The following ZNF532 variants were observed in gnomAD, a reference collection of about 807,000 sequenced individuals.
ZNF532 encodes the protein zinc finger protein 532.
ZNF532 carries 22 observed loss-of-function variants against 89.3 expected under a neutral mutation model. The ratio of observed to expected loss-of-function variants is 0.25; its 90% confidence interval spans 0.18 to 0.35. The LOEUF (loss-of-function observed/expected upper bound fraction) is 0.35, where lower values mean the gene tolerates loss of function less well. ZNF532 is among the 10% of genes least tolerant of loss of function. ZNF532 has a pLI of 1.00. For missense variants in ZNF532, 1,132 were observed against 1,643.4 expected (o/e 0.69, Z 5.38); for synonymous variants, 606 against 649.6 (o/e 0.93, Z 1.02).
chr18:58,966,414 T>G (rs1267899080), intron 7 of ZNF532, among the ~76,000 whole-genome samples: 1 of 152,178 alleles, frequency 6.6e-6, no homozygotes, highest in Admixed American at 6.5e-5. Context: ...CTATTATGTG[T>G]TTTAGCAAAC....
chr18:58,875,759 G>C (rs1194564974), intron 2 of ZNF532, among the ~76,000 whole-genome samples: 4 of 152,102 alleles, frequency 2.6e-5, no homozygotes, highest in Admixed American at 2.6e-4. Context: ...ATCGACCCTA[G>C]ATTTGAACCA....
chr18:58,875,170 A>C (rs2057330808), intron 2 of ZNF532, among the ~76,000 whole-genome samples: 1 of 151,926 alleles, frequency 6.6e-6, no homozygotes, highest in Admixed American at 6.5e-5. Context: ...CTCTTTTTCA[A>C]AAAATTAAAA....
intron 7 of ZNF532, among the ~76,000 whole-genome samples, chr18:58,972,553 A>G (rs1295302661): frequency 6.6e-6 from 1 of 152,126 alleles, no homozygotes; most frequent in Non-Finnish European, 1.5e-5. Context: ...AATTCCCTCA[A>G]TATCTGGGCC....
chr18:58,972,290 T>C (rs2066548423), intron 7 of ZNF532, among the ~76,000 whole-genome samples: 1 of 152,190 alleles, frequency 6.6e-6, no homozygotes, highest in African/African-American at 2.4e-5. Context: ...ATATGTATAA[T>C]ATAGATCGGT....
chr18:58,916,713 G>A, intron 2 of ZNF532: 8 of 985,378 alleles, frequency 8.1e-6, no homozygotes, highest in Non-Finnish European at 9.6e-6. Flanking sequence ...AGTGTGTTTG[G>A]ATGTGTCCCC....
intron 7 of ZNF532, chr18:58,954,043 G>A (rs374731523): frequency 4.1e-6 from 4 of 984,214 alleles, no homozygotes; most frequent in Non-Finnish European, 4.8e-6. Flanking sequence ...CATGAATGTG[G>A]TAAGTTACCT....
chr18:58,943,752 T>C (rs916257846), intron 5 of ZNF532, among the ~76,000 whole-genome samples: 4 of 152,222 alleles, frequency 2.6e-5, no homozygotes, highest in African/African-American at 9.6e-5. Flanking sequence ...TGAGCCACCA[T>C]GCCTGGCCTA....
chr18:58,962,497 A>G (rs1393811708), intron 7 of ZNF532, among the ~76,000 whole-genome samples: 2 of 152,060 alleles, frequency 1.3e-5, no homozygotes, highest in African/African-American at 4.8e-5. Context: ...AGTGAGTCTG[A>G]CTTGGTAGCT....
chr18:58,966,641 A>G (rs781406059), intron 7 of ZNF532, among the ~76,000 whole-genome samples: 22 of 152,230 alleles, frequency 1.4e-4, no homozygotes, highest in Non-Finnish European at 2.4e-4. Flanking sequence ...AAATCCTTTC[A>G]AGAAAGACTA....
At chr18:58,884,181 C>G (rs1434034364) in intron 2 of ZNF532, among the ~76,000 whole-genome samples, 1 of 152,244 alleles carries the variant, frequency 6.6e-6, no homozygotes, top group Non-Finnish European at 1.5e-5. Context: ...GAGTTCAAGA[C>G]CAGCCTGGCC....
chr18:58,869,247 G>A lies in ZNF532; in HGVS notation c.-18+3668G>A, dbSNP rs979404937. On this transcript the variant is annotated intron_variant, in intron 2 of 9. Transcript: ENST00000591808. ...ACTTGTAACTCACAAAAAAGATCTA[G>A]CGTTGACAGCTGCAGTTAAGACTCG... Among the ~76,000 whole-genome samples, 3 of 152,162 alleles carry A rather than the reference G, an allele frequency of 2.0e-5. No individual in the cohort carries two copies. In the East Asian group the frequency reaches 5.8e-4, roughly 29 times the overall value.
intron 5 of ZNF532, among the ~76,000 whole-genome samples, chr18:58,940,907 C>T (rs1180554429): frequency 7.6e-6 from 1 of 132,148 alleles, no homozygotes; most frequent in African/African-American, 3.0e-5. Context: ...GGAAGATACA[C>T]AGCTATGCCA....
At chr18:58,894,467 CAAAAA>C (rs149027291) in intron 2 of ZNF532, among the ~76,000 whole-genome samples, 1 of 77,872 alleles carries the variant, frequency 1.3e-5, no homozygotes, top group Non-Finnish European at 2.8e-5. Context: ...GACTCCATCT[CAAAAA>C]AAAAAAAAAA....
chr18:58,974,080 A>G (rs1342450463), intron 7 of ZNF532, among the ~76,000 whole-genome samples: 1 of 152,180 alleles, frequency 6.6e-6, no homozygotes, highest in Non-Finnish European at 1.5e-5. Flanking sequence ...ATAGAACTCT[A>G]CTTTTAAAAA....
At chr18:58,879,550 G>A (rs1405000432) in intron 2 of ZNF532, among the ~76,000 whole-genome samples, 1 of 152,054 alleles carries the variant, frequency 6.6e-6, no homozygotes, top group African/African-American at 2.4e-5. Context: ...CACCACGCCC[G>A]GCTAATATTT....
intron 2 of ZNF532, among the ~76,000 whole-genome samples, chr18:58,875,121 T>C (rs1465879055): frequency 2.0e-5 from 3 of 152,144 alleles, no homozygotes; most frequent in Non-Finnish European, 4.4e-5. Context: ...GTTGAATTCA[T>C]AACATTTTGG....
At chr18:58,945,903 T>C (rs2146851882) in intron 5 of ZNF532, among the ~76,000 whole-genome samples, 1 of 152,068 alleles carries the variant, frequency 6.6e-6, no homozygotes, top group East Asian at 1.9e-4. Context: ...AATTCTTTTT[T>C]GTATTTTAGT....
chr18:58,936,517 C>T (rs116839786), intron 4 of ZNF532, among the ~76,000 whole-genome samples: 11 of 152,348 alleles, frequency 7.2e-5, no homozygotes, highest in African/African-American at 2.2e-4. Flanking sequence ...CACATGCAGG[C>T]TGAAAGTAAT....
At chr18:58,943,253 G>A (rs990598194) in intron 5 of ZNF532, among the ~76,000 whole-genome samples, 2 of 146,360 alleles carry the variant, frequency 1.4e-5, no homozygotes, top group Admixed American at 6.9e-5. Context: ...TCCGCCTCCC[G>A]GGTTCTCGCC....
Sources: gnomAD v4.1 joint callset for allele counts (sites outside exome capture counted in the v4.1 genomes callset) on GRCh38, gnomAD v4.1.1 for gene constraint, MANE v1.5 for transcripts, NCBI Gene and HGNC (gene_info 2026-07-23, HGNC 2026-07-21) for gene names.